Variants in PTPN5 observed in about 807,000 individuals in gnomAD.
The protein encoded by PTPN5 is protein tyrosine phosphatase non-receptor type 5.
A neutral mutation model predicts 73.9 loss-of-function variants in PTPN5; 29 were observed. The ratio of observed to expected loss-of-function variants is 0.39; its 90% CI spans 0.29 to 0.54. The LOEUF is 0.54. Ranked by LOEUF, PTPN5 falls within the 20% of genes least tolerant of loss-of-function variation. PTPN5 has a pLI of 0.65. For synonymous variants in PTPN5, 267 were observed against 304.7 expected (o/e 0.88, Z 1.29); for missense variants, 652 against 751.4 (o/e 0.87, Z 1.55).
intron 3 of PTPN5, among the ~76,000 whole-genome samples, chr11:18,756,543 C>T (rs942521948): frequency 5.3e-5 from 8 of 151,900 alleles, no homozygotes; most frequent in South Asian, 2.1e-4. Flanking sequence ...GTGACCCACC[C>T]GTCTCAGCCT....
At chr11:18,774,484 C>A (rs1204334569) in intron 1 of PTPN5, among the ~76,000 whole-genome samples, 1 of 152,228 alleles carries the variant, frequency 6.6e-6, no homozygotes, top group African/African-American at 2.4e-5. Flanking sequence ...CCAGTATGAA[C>A]TGAATTTACC....
At chr11:18,731,800 C>A (rs1848889545) in intron 12 of PTPN5, among the ~76,000 whole-genome samples, 1 of 152,186 alleles carries the variant, frequency 6.6e-6, no homozygotes, top group Non-Finnish European at 1.5e-5. Flanking sequence ...GCTCAGTAAC[C>A]CCTGTGGCTG....
chr11:18,769,429 A>C (rs1850779245), intron 2 of PTPN5, among the ~76,000 whole-genome samples: 1 of 152,068 alleles, frequency 6.6e-6, no homozygotes, highest in Non-Finnish European at 1.5e-5. Flanking sequence ...TTTGAGACGG[A>C]GTCTCACTCT....
At position 18,728,904 on chromosome 11, in the gene PTPN5, T is replaced by G. The variant is rs1848742982; in HGVS notation, c.*30A>C. On this transcript the variant is annotated 3_prime_UTR_variant, in exon 15 of 15. Coordinates refer to ENST00000358540, the MANE Select transcript of PTPN5 (RefSeq NM_006906.2). The surrounding 1 kb of genome is among the most constrained non-coding windows in gnomAD (Gnocchi z 4.1). ...GAGGGCCGAGACTCAGGCTGGGCAG[T>G]GCCCAGAGAACCTTGTAGGAGAAGC... 1 of 1,602,236 alleles carries G rather than the reference T, an allele frequency of 6.2e-7. No individual in the cohort carries two copies. Among genetic ancestry groups the G allele is most frequent in the Non-Finnish European group, 8.5e-7 (1 of 1,174,750 alleles).
chr11:18,738,536 C>T (rs532659966), intron 8 of PTPN5, among the ~76,000 whole-genome samples: 23 of 152,318 alleles, frequency 1.5e-4, no homozygotes, highest in African/African-American at 5.3e-4. Flanking sequence ...TCTGGCCTCT[C>T]TTTACTTCCA....
chr11:18,753,904 A>T (rs997258676), intron 3 of PTPN5, among the ~76,000 whole-genome samples: 2 of 152,222 alleles, frequency 1.3e-5, no homozygotes, highest in Non-Finnish European at 2.9e-5. Flanking sequence ...GAGTAAAAAG[A>T]ACAAGATTTA....
chr11:18,770,151 A>G (rs1442255197), intron 2 of PTPN5, among the ~76,000 whole-genome samples: 1 of 152,264 alleles, frequency 6.6e-6, no homozygotes, highest in East Asian at 1.9e-4. Context: ...TTCCCATAGC[A>G]TAAAATTCAA....
At chr11:18,762,897 T>G (rs913070570) in intron 3 of PTPN5, among the ~76,000 whole-genome samples, 1 of 152,224 alleles carries the variant, frequency 6.6e-6, no homozygotes, top group African/African-American at 2.4e-5. Flanking sequence ...CACATAATAC[T>G]GTCCTGGGAG....
Position 18,733,269 on chromosome 11 carries a change from A to G in PTPN5, c.1184T>C (p.Ile395Thr). 1 of 1,614,002 alleles carries G rather than the reference A, an allele frequency of 6.2e-7. No individual in the cohort carries two copies. The highest frequency in any genetic ancestry group is 8.5e-7 in the Non-Finnish European group (1 of 1,179,900). Residue 395 changes from isoleucine (I) to threonine (T), a missense_variant, in exon 11 of 15, where the codon ATT becomes ACT. Coordinates refer to ENST00000358540, the MANE Select transcript of PTPN5 (RefSeq NM_006906.2). The surrounding 1 kb of genome is among the most constrained non-coding windows in gnomAD (Gnocchi z 4.3). ...CTCCTCGATGTTGGTGATCATGACA[A>G]TGATGGGCGTGTGCTCCTGCCACAC... is the stretch of plus-strand genomic sequence containing the variant. ...RMVWQEHTPI[I>T]VMITNIEEMN...
intron 9 of PTPN5, among the ~76,000 whole-genome samples, chr11:18,734,941 G>T (rs1849050170): frequency 6.6e-6 from 1 of 152,194 alleles, no homozygotes; most frequent in East Asian, 1.9e-4. Context: ...GAGAGGCTAG[G>T]TTCAAATCCT....
chr11:18,774,785 C>T (rs960684801), intron 1 of PTPN5, among the ~76,000 whole-genome samples: 2 of 152,188 alleles, frequency 1.3e-5, no homozygotes, highest in African/African-American at 4.8e-5. Flanking sequence ...CCCTCCCAGC[C>T]TCTTCTCAGG....
At chr11:18,738,972 CAAAA>C (rs375555659) in intron 8 of PTPN5, among the ~76,000 whole-genome samples, 2 of 70,072 alleles carry the variant, frequency 2.9e-5, no homozygotes, top group Admixed American at 3.2e-4. Flanking sequence ...AACCCTGTCT[CAAAA>C]AAAAAAAAAA....
In PTPN5 at chr11:18,729,913, C is replaced by T. The variant is rs1848799145; in HGVS notation, c.1330-95G>A. 3.3e-6 allele frequency: 5 copies of T among 1,513,764 alleles called. No homozygotes were observed. Among genetic ancestry groups the T allele is most frequent in the Non-Finnish European group, 3.7e-6 (4 of 1,092,172 alleles). The allele number at this position is 1,513,764 out of a possible 1,614,324, so 93.8% of individuals were successfully genotyped here. A position where few individuals can be genotyped will look rare whatever the true frequency, so the allele number is the denominator to read the frequency against. ...AGAGATGAGATGGAAGGAGGAAGAA[C>T]ACAGGAAGAACACTGAGAGTGGGAC... On this transcript the variant is annotated intron_variant, in intron 12 of 14. Transcript: ENST00000358540. This position sits in a 1 kb window ranked among gnomAD's most constrained non-coding sequence, Gnocchi z 5.2.
chr11:18,768,690 C>A (rs1343611032), intron 2 of PTPN5, among the ~76,000 whole-genome samples: 1 of 152,210 alleles, frequency 6.6e-6, no homozygotes, highest in African/African-American at 2.4e-5. Flanking sequence ...CACCTCTTGA[C>A]TGCAAAGGAA....
intron 3 of PTPN5, among the ~76,000 whole-genome samples, chr11:18,746,195 A>AC (rs1554916253): frequency 8.8e-6 from 1 of 114,016 alleles, no homozygotes; most frequent in Non-Finnish European, 1.8e-5. Flanking sequence ...ATATATATAC[A>AC]TTTTTTTTTT....
At chr11:18,746,195 A>ATATATATATAC (rs377606416) in intron 3 of PTPN5, among the ~76,000 whole-genome samples, 4 of 114,038 alleles carry the variant, frequency 3.5e-5, no homozygotes, top group African/African-American at 1.3e-4. Context: ...ATATATATAC[A>ATATATATATAC]TTTTTTTTTT....
chr11:18,763,558 A>G (rs1850496151), intron 3 of PTPN5, among the ~76,000 whole-genome samples: 1 of 152,216 alleles, frequency 6.6e-6, no homozygotes, highest in Non-Finnish European at 1.5e-5. Context: ...GGGAGAGAAC[A>G]TTGGGATTTA....
At chr11:18,732,810 C>A in intron 11 of PTPN5, 108 bp from the exon 12 acceptor site, 1 of 886,372 alleles carries the variant, frequency 1.1e-6, no homozygotes. Flanking sequence ...AGGGTTGCTG[C>A]TACAGAGTGT....
chr11:18,787,196 C>A (rs1000508951), intron 1 of PTPN5, among the ~76,000 whole-genome samples: 6 of 152,172 alleles, frequency 3.9e-5, no homozygotes, highest in African/African-American at 1.4e-4. Flanking sequence ...TTCAAGTTAT[C>A]TGAGCTTTAT....
Sources: allele counts gnomAD v4.1 joint callset (sites outside exome capture counted in the v4.1 genomes callset), GRCh38; gene constraint gnomAD v4.1.1; non-coding constraint Gnocchi (gnomAD v3.1); transcripts MANE v1.5; gene names NCBI Gene and HGNC (gene_info 2026-07-23, HGNC 2026-07-21).